The following ZNF438 variants were observed in gnomAD, a reference collection of about 807,000 sequenced individuals.
The protein encoded by ZNF438 is zinc finger protein 438.
ZNF438 carries 25 observed loss-of-function variants against 38.0 expected under a neutral mutation model. The ratio of observed to expected loss-of-function variants is 0.66; its 90% confidence interval spans 0.48 to 0.92. ZNF438 has a LOEUF of 0.92. ZNF438 is among the 40% of genes least tolerant of loss of function. The probability of loss-of-function intolerance (pLI) is 0.00; values close to 1 mark genes in which losing one functional copy is unlikely to be tolerated. For missense variants in ZNF438, 1,007 were observed against 999.6 expected (o/e 1.01, Z -0.10); for synonymous variants, 372 against 364.1 (o/e 1.02, Z -0.25).
intron 3 of ZNF438, among the ~76,000 whole-genome samples, chr10:30,890,812 G>A (rs1429932809): frequency 7.2e-5 from 11 of 152,068 alleles, no homozygotes; most frequent in South Asian, 2.1e-4. Context: ...CTCCATTATC[G>A]TTAATAACAT....
At chr10:31,008,680 TGATA>T (rs2055379114) in intron 1 of ZNF438, among the ~76,000 whole-genome samples, 1 of 152,254 alleles carries the variant, frequency 6.6e-6, no homozygotes, top group Non-Finnish European at 1.5e-5. Flanking sequence ...ATTCATCAGC[TGATA>T]GATATCTAGG....
rs544965419 is a variant in ZNF438, at chr10:30,926,071, T to G, written c.-115+15504A>C. 8.5e-5 allele frequency among the ~76,000 whole-genome samples: 13 copies of G among 152,256 alleles called. No homozygotes were observed. The South Asian group carries it at 2.5e-3, about 29-fold the overall frequency. ...GTCATAAAACACTTACTAAAAATAC[T>G]GCTTGCCAAAACTAATCTTTGGTGA... On this transcript the variant is annotated intron_variant, in intron 2 of 5. Coordinates refer to ENST00000413025, the Ensembl canonical transcript of ZNF438.
rs1049104276 is a variant in ZNF438, at chr10:30,978,563, T to C, written c.-191-36912A>G. On this transcript the variant is annotated intron_variant, in intron 1 of 5. Coordinates refer to ENST00000413025, the Ensembl canonical transcript of ZNF438. ...CATATAATCACCACCAGAATCAAGA[T>C]ATAGAACACAACCATTATCCCAAAA... is the stretch of plus-strand genomic sequence containing the variant. 1.1e-4 allele frequency among the ~76,000 whole-genome samples: 16 copies of C among 152,286 alleles called. No individual in the cohort carries two copies. In the East Asian group the frequency reaches 2.5e-3, roughly 24 times the overall value.
intron 1 of ZNF438, among the ~76,000 whole-genome samples, chr10:30,974,258 T>C (rs544554192): frequency 3.3e-5 from 5 of 152,328 alleles, no homozygotes; most frequent in East Asian, 1.9e-4. Flanking sequence ...GGCAGGAGGA[T>C]TGCTTGAGAC....
exon 5 of ZNF438, chr10:30,849,893 T>C: frequency 1.2e-6 from 2 of 1,614,138 alleles, no homozygotes; most frequent in Non-Finnish European, 1.7e-6. Flanking sequence ...ACTGGGTTTG[T>C]ACAGGAGTTC....
intron 2 of ZNF438, chr10:30,923,446 A>C (rs925897849): frequency 2.0e-5 from 3 of 152,170 alleles, no homozygotes; most frequent in African/African-American, 4.8e-5. Context: ...TTTATAATTA[A>C]ACTATAATTA....
intron 4 of ZNF438, chr10:30,857,699 A>C: frequency 6.6e-7 from 1 of 1,504,878 alleles, no homozygotes; most frequent in Non-Finnish European, 9.0e-7. Flanking sequence ...GACTCTGAGA[A>C]ATCCAGAAAG....
exon 5 of ZNF438, chr10:30,849,462 C>A (rs1474727765): frequency 1.2e-6 from 2 of 1,614,084 alleles, no homozygotes; most frequent in African/African-American, 1.3e-5. Context: ...GAAAAACCTG[C>A]AATGTTAGCA....
intron 1 of ZNF438, among the ~76,000 whole-genome samples, chr10:30,985,178 A>C (rs972004516): frequency 2.0e-5 from 3 of 152,214 alleles, no homozygotes; most frequent in Non-Finnish European, 2.9e-5. Context: ...CACCATGCAG[A>C]AAAAGTATAC....
chr10:30,930,803 C>CAAAAAAAAAAAAAAAAGAAAA (rs2045580062), intron 2 of ZNF438, among the ~76,000 whole-genome samples: 1 of 38,434 alleles, frequency 2.6e-5, no homozygotes, highest in Non-Finnish European at 4.9e-5. Flanking sequence ...GAAACTCAGT[C>CAAAAAAAAAAAAAAAAGAAAA]AAAAAAAAAA....
chr10:30,844,687 C>T (rs1057479426), exon 6 of ZNF438: 1 of 345,482 alleles, frequency 2.9e-6, no homozygotes, highest in Non-Finnish European at 5.2e-6. Flanking sequence ...AAATTTCAAT[C>T]TTCAAATTTT....
chr10:30,985,447 G>C (rs773210115), intron 1 of ZNF438, among the ~76,000 whole-genome samples: 1 of 152,122 alleles, frequency 6.6e-6, no homozygotes, highest in Non-Finnish European at 1.5e-5. Context: ...AAACTGGTTG[G>C]CTCCATTAAC....
intron 1 of ZNF438, among the ~76,000 whole-genome samples, chr10:31,016,855 G>A (rs2056232826): frequency 6.6e-6 from 1 of 152,156 alleles, no homozygotes; most frequent in African/African-American, 2.4e-5. Context: ...TACCAAAGGT[G>A]GGAGTGCATC....
chr10:30,872,956 C>T (rs2037725778), intron 4 of ZNF438, among the ~76,000 whole-genome samples: 1 of 152,180 alleles, frequency 6.6e-6, no homozygotes, highest in Non-Finnish European at 1.5e-5. Flanking sequence ...AAGACACATA[C>T]ATTGTCCCTG....
chr10:30,847,754 A>T (rs1349846938), intron 5 of ZNF438, among the ~76,000 whole-genome samples: 2 of 152,206 alleles, frequency 1.3e-5, no homozygotes, highest in African/African-American at 4.8e-5. Context: ...TGCCTGGTCC[A>T]GCCACAGCCT....
intron 2 of ZNF438, among the ~76,000 whole-genome samples, chr10:30,930,925 G>A (rs1039229045): frequency 2.0e-5 from 3 of 149,336 alleles, no homozygotes; most frequent in African/African-American, 7.4e-5. Flanking sequence ...GTTTTGGTCT[G>A]CTAAGCACAC....
chr10:30,893,200 A>G (rs1564586846), intron 3 of ZNF438, among the ~76,000 whole-genome samples: 1 of 152,210 alleles, frequency 6.6e-6, no homozygotes, highest in Non-Finnish European at 1.5e-5. Flanking sequence ...CAAAACGTTT[A>G]AGGATTCTAA....
chr10:30,951,340 A>G (rs910587527), intron 1 of ZNF438, among the ~76,000 whole-genome samples: 2 of 149,388 alleles, frequency 1.3e-5, no homozygotes, highest in Non-Finnish European at 3.0e-5. Context: ...AACTGGCACA[A>G]GACAGGGATG....
intron 1 of ZNF438, among the ~76,000 whole-genome samples, chr10:31,007,883 T>A (rs1048775700): frequency 3.9e-5 from 6 of 152,214 alleles, no homozygotes; most frequent in African/African-American, 1.4e-4. Context: ...TTTGTCTCTG[T>A]AGGACTCAGC....
Sources: allele counts gnomAD v4.1 joint callset (sites outside exome capture counted in the v4.1 genomes callset), GRCh38; gene constraint gnomAD v4.1.1; transcripts MANE v1.5; gene names NCBI Gene and HGNC (gene_info 2026-07-23, HGNC 2026-07-21).